The following CHN2 variants were observed in gnomAD, a reference collection of about 807,000 sequenced individuals.
The protein encoded by CHN2 is chimerin 2, also known as beta-chimaerin.
Under a neutral mutation model 56.3 loss-of-function variants are expected in CHN2, and 35 were observed. The ratio of observed to expected loss-of-function variants is 0.62; its 90% CI spans 0.47 to 0.82. The LOEUF (loss-of-function observed/expected upper bound fraction) is 0.82. CHN2 is among the 40% of genes least tolerant of loss of function. CHN2 has a pLI of 0.00. For missense variants in CHN2, 491 were observed against 580.5 expected, an observed-to-expected ratio of 0.85 and a Z score of 1.58; for synonymous variants, 210 against 212.8, an observed-to-expected ratio of 0.99 and a Z score of 0.12.
At chr7:29,450,733 A>G (rs150367107) in intron 6 of CHN2, among the ~76,000 whole-genome samples, 4,142 of 152,296 alleles carry the variant, frequency 0.027, 75 homozygotes, top group Middle Eastern at 0.061. Flanking sequence ...AAACTAATAC[A>G]GATGTATTCA....
chr7:29,322,716 A>G (rs1326349196), intron 1 of CHN2, among the ~76,000 whole-genome samples: 2 of 152,200 alleles, frequency 1.3e-5, no homozygotes, highest in African/African-American at 4.8e-5. Context: ...TTTACTGCAA[A>G]TATAGTCAGG....
At chr7:29,189,709 CCT>C (rs1269540548) in intron 2 of CHN2, among the ~76,000 whole-genome samples, 1 of 152,124 alleles carries the variant, frequency 6.6e-6, no homozygotes, top group Non-Finnish European at 1.5e-5. Flanking sequence ...TCCCCTTCTC[CCT>C]CTCTGTCTTT....
chr7:29,159,620 C>A (rs948744852), intron 2 of CHN2, among the ~76,000 whole-genome samples: 1 of 152,078 alleles, frequency 6.6e-6, no homozygotes, highest in Admixed American at 6.5e-5. Flanking sequence ...CCTCCTTCCC[C>A]GCTTCGTGCA....
At chr7:29,436,912 C>T (rs1269006977) in intron 6 of CHN2, among the ~76,000 whole-genome samples, 1 of 151,036 alleles carries the variant, frequency 6.6e-6, no homozygotes, top group Non-Finnish European at 1.5e-5. Context: ...TTAAGCTACA[C>T]TTTAATATCA....
intron 1 of CHN2, among the ~76,000 whole-genome samples, chr7:29,345,542 G>A (rs1266402271): frequency 6.6e-6 from 1 of 152,130 alleles, no homozygotes; most frequent in Non-Finnish European, 1.5e-5. Context: ...TGGTCTTGGT[G>A]TGTTCGAGGA....
intron 1 of CHN2, among the ~76,000 whole-genome samples, chr7:29,348,575 T>C (rs1797643080): frequency 1.3e-5 from 2 of 152,222 alleles, no homozygotes; most frequent in Non-Finnish European, 2.9e-5. Context: ...ACAGAATTTT[T>C]AAAAGAGGGC....
intron 9 of CHN2, among the ~76,000 whole-genome samples, chr7:29,500,846 A>T (rs945010194): frequency 6.6e-6 from 1 of 152,236 alleles, no homozygotes; most frequent in Non-Finnish European, 1.5e-5. Flanking sequence ...AAATAAAGGA[A>T]ACAAGGAAGA....
chr7:29,163,833 C>A (rs1305823569), intron 2 of CHN2, among the ~76,000 whole-genome samples: 1 of 152,150 alleles, frequency 6.6e-6, no homozygotes, highest in East Asian at 1.9e-4. Context: ...TAAGATTCAT[C>A]TATGTTATGC....
At chr7:29,454,341 A>G (rs1350786978) in intron 6 of CHN2, among the ~76,000 whole-genome samples, 1 of 139,368 alleles carries the variant, frequency 7.2e-6, no homozygotes, top group Non-Finnish European at 1.6e-5. Flanking sequence ...TTGCTGTTAC[A>G]TATCAGGGAA....
At chr7:29,195,629 A>AGAGGGAGAGAGTGT (rs869037854) in intron 1 of CHN2, among the ~76,000 whole-genome samples, 1 of 117,504 alleles carries the variant, frequency 8.5e-6, no homozygotes, top group Admixed American at 9.4e-5. Context: ...AGAGAGAGAG[A>AGAGGGAGAGAGTGT]GTGTGTGTGT....
In CHN2 at chr7:29,483,078, C is replaced by G. The variant is rs374216384; in HGVS notation, c.654+2722C>G. Among the ~76,000 whole-genome samples the G allele has an allele frequency of 2.0e-5, 3 of 152,024 alleles. No homozygotes were observed. In the East Asian group the frequency reaches 5.8e-4, roughly 29 times the overall value. On this transcript the variant is annotated intron_variant, in intron 7 of 12. Coordinates refer to ENST00000222792, the MANE Select transcript of CHN2 (RefSeq NM_004067.4). ...CCTCGTGATCCGCCCGTCTCGGCCT[C>G]CCAAAGTGCTAGGATTACAGGCGTG... is the stretch of plus-strand genomic sequence containing the variant.
chr7:29,182,029 CTTAAA>C (rs1798122520), intron 2 of CHN2, among the ~76,000 whole-genome samples: 1 of 152,124 alleles, frequency 6.6e-6, no homozygotes, highest in African/African-American at 2.4e-5. Flanking sequence ...CTTTTTCTTA[CTTAAA>C]TTATAACTAT....
intron 1 of CHN2, among the ~76,000 whole-genome samples, chr7:29,348,444 A>G (rs1215296037): frequency 1.4e-4 from 22 of 151,970 alleles, no homozygotes; most frequent in Admixed American, 1.2e-3. Context: ...CTTATTACCC[A>G]TTTTTTAAAG....
chr7:29,348,664 G>A (rs1451168663), intron 1 of CHN2, among the ~76,000 whole-genome samples: 1 of 152,084 alleles, frequency 6.6e-6, no homozygotes, highest in Admixed American at 6.5e-5. Context: ...CACGAATACT[G>A]TACATGCTGT....
intron 7 of CHN2, among the ~76,000 whole-genome samples, chr7:29,493,216 T>C (rs1585609981): frequency 1.3e-5 from 2 of 152,142 alleles, no homozygotes; most frequent in East Asian, 3.9e-4. Context: ...TAAAGTGACA[T>C]GCTGTAGAGG....
intron 3 of CHN2, chr7:29,380,621 A>C (rs1308256243): frequency 1.3e-5 from 2 of 152,258 alleles, no homozygotes; most frequent in South Asian, 4.1e-4. Context: ...CCTTTTCCAA[A>C]GTACGTATAG....
At chr7:29,350,964 C>T (rs552264423) in intron 1 of CHN2, among the ~76,000 whole-genome samples, 3 of 152,128 alleles carry the variant, frequency 2.0e-5, no homozygotes, top group East Asian at 1.9e-4. Context: ...AAAAGTTAGC[C>T]GGTTGCAGTG....
intron 1 of CHN2, among the ~76,000 whole-genome samples, chr7:29,285,698 A>G (rs919865081): frequency 1.3e-5 from 2 of 152,224 alleles, no homozygotes; most frequent in South Asian, 4.1e-4. Context: ...TACAGGCTTC[A>G]CATTCATCAC....
At chr7:29,232,452 T>C (rs1466438969) in intron 1 of CHN2, among the ~76,000 whole-genome samples, 1 of 152,204 alleles carries the variant, frequency 6.6e-6, no homozygotes, top group Non-Finnish European at 1.5e-5. Context: ...TCACAGCTGC[T>C]TTCTTCCTTT....
Sources: allele counts gnomAD v4.1 joint callset (sites outside exome capture counted in the v4.1 genomes callset), GRCh38; gene constraint gnomAD v4.1.1; transcripts MANE v1.5; gene names NCBI Gene and HGNC (gene_info 2026-07-23, HGNC 2026-07-21).